Variants in SEC24B observed in about 807,000 individuals in gnomAD.
SEC24B encodes the protein protein transport protein Sec24B.
Under a neutral mutation model 142.8 loss-of-function variants are expected in SEC24B, and 45 were observed. The ratio of observed to expected loss-of-function variants is 0.32; its 90% CI spans 0.25 to 0.40. The LOEUF is 0.40. SEC24B is among the 10% of genes least tolerant of loss of function. The pLI is 1.00. For synonymous variants in SEC24B, 574 were observed against 568.2 expected (o/e 1.01, Z -0.15); for missense variants, 1,409 against 1,526.8 (o/e 0.92, Z 1.29).
Position 109,488,023 on chromosome 4 carries a change from A to AT in SEC24B, c.1166-3296dup, listed in dbSNP as rs543779370. 2.9e-3 allele frequency among the ~76,000 whole-genome samples: 443 copies of AT among 151,952 alleles called. 4 individuals carry two copies. The highest frequency in any genetic ancestry group is 1.0e-2 in the African/African-American group (414 of 41,472). On this transcript the variant is annotated intron_variant, in intron 4 of 23. Coordinates refer to ENST00000265175, the MANE Select transcript of SEC24B (RefSeq NM_006323.5). Reference sequence around the variant, plus strand: ...AAGTAATCTTTTATCTTTGGACTTTATTTTTTTTCAAGAGTAGTTATTTCT... The same window carrying AT: ...AAGTAATCTTTTATCTTTGGACTTTATTTTTTTTTCAAGAGTAGTTATTTCT...
intron 3 of SEC24B, among the ~76,000 whole-genome samples, chr4:109,474,983 G>A (rs1015659687): frequency 6.6e-6 from 1 of 152,174 alleles, no homozygotes; most frequent in Admixed American, 6.5e-5. Flanking sequence ...AGAAAAGTGA[G>A]ATTGACAGAG....
At chr4:109,450,112 CTGAGA>C (rs1729908090) in intron 1 of SEC24B, among the ~76,000 whole-genome samples, 1 of 152,072 alleles carries the variant, frequency 6.6e-6, no homozygotes, top group South Asian at 2.1e-4. Context: ...ACTCTGGAGG[CTGAGA>C]TGGGAGGTTC....
At position 109,433,915 on chromosome 4, in the gene SEC24B, A is replaced by C; in HGVS notation, c.46A>C (p.Ile16Leu). The change falls in exon 1 of 24, where the codon ATC becomes CTC. Residue 16 changes from isoleucine to leucine, a missense_variant. Ile to Leu is a conservative substitution (Grantham distance 5, BLOSUM62 2). Transcript: ENST00000265175. ...GSSHPAASAR[I>L]PPKFGGAAVS... ...CTCTCACCCGGCCGCCAGCGCCCGGATCCCGCCCAAGTTCGGCGGAGCGGC... is the reference window on the plus strand; with the variant it reads ...CTCTCACCCGGCCGCCAGCGCCCGGCTCCCGCCCAAGTTCGGCGGAGCGGC... The C allele has an allele frequency of 7.5e-7, 1 of 1,328,968 alleles. No individual in the cohort carries two copies. Among genetic ancestry groups the C allele is most frequent in the East Asian group, 3.2e-5 (1 of 31,132 alleles). 82.3% of individuals were successfully genotyped at this position (1,328,968 alleles called of 1,614,324 possible). A position where few individuals can be genotyped will look rare whatever the true frequency, so the allele number is the denominator to read the frequency against.
chr4:109,433,883 C>G lies in SEC24B; in HGVS notation c.14C>G (p.Ala5Gly). The change falls in exon 1 of 24, where the codon GCC becomes GGC. Residue 5 changes from alanine to glycine, a missense_variant. Ala to Gly is a moderately conservative substitution (Grantham distance 60). Transcript: ENST00000265175. The part of the protein sequence containing the change: MSAP[A>G]GSSHPAASAR... ...ACCAGCGCCGTCATGTCGGCCCCCG[C>G]CGGGTCCTCTCACCCGGCCGCCAGC... The G allele has an allele frequency of 7.4e-7, 1 of 1,343,934 alleles. No homozygotes were observed. 83.3% of individuals were successfully genotyped at this position (1,343,934 alleles called of 1,614,324 possible).
chr4:109,491,269 G>T, intron 4 of SEC24B, 58 bp from the exon 5 acceptor site: 1 of 1,351,430 alleles, frequency 7.4e-7, no homozygotes, highest in Non-Finnish European at 1.0e-6. Context: ...ATTGCCAAAG[G>T]CTGCTTTAAG....
intron 18 of SEC24B, 115 bp downstream of exon 18, chr4:109,527,547 C>T (rs771297391): frequency 3.8e-4 from 260 of 693,108 alleles, no homozygotes; most frequent in Non-Finnish European, 5.6e-4. Context: ...CTGAGGCGGA[C>T]GGACCACGAG....
Position 109,516,567 on chromosome 4 carries a change from G to A in SEC24B, c.2053G>A (p.Asp685Asn), listed in dbSNP as rs1722950431. 6.2e-7 allele frequency: 1 copy of A among 1,612,976 alleles called. No homozygotes were observed. The highest frequency in any genetic ancestry group is 1.1e-5 in the South Asian group (1 of 90,922). Residue 685 changes from aspartate (D) to asparagine (N), a missense_variant, in exon 11 of 24, where the codon GAT becomes AAT. Physicochemically the swap from Asp to Asn is conservative, Grantham distance 23. Around this residue, in one of 2 missense-constraint regions of SEC24B, gnomAD observed 700 missense variants for 853.3 expected, o/e 0.82. Transcript: ENST00000265175. Reference protein sequence around the residue: ...PQPAVYLFVLDVSHNAVEAGY... With the variant: ...PQPAVYLFVLNVSHNAVEAGY... ...ACCTGCAGTTTACTTGTTTGTTTTA[G>A]ATGTGTCTCATAATGCAGTGGAAGC...
Position 109,527,419 on chromosome 4 carries a change from T to G in SEC24B, c.3063T>G (p.Leu1021=). Residue 1021 remains leucine, a synonymous_variant, in exon 18 of 24, where the codon CTT becomes CTG. Coordinates refer to ENST00000265175, the MANE Select transcript of SEC24B (RefSeq NM_006323.5). ...TGGATGTACAAGCTGCCATCTGCCTTCTGGCAAACATGGGTGAGTAAAAAT... is the reference window on the plus strand; with the variant it reads ...TGGATGTACAAGCTGCCATCTGCCTGCTGGCAAACATGGGTGAGTAAAAAT... ...AGVDVQAAIC[L]LANMAVDRSV... is the part of the protein sequence containing the mutation. 1 of 1,609,110 alleles carries G rather than the reference T, an allele frequency of 6.2e-7. No homozygotes were observed. Among genetic ancestry groups the G allele is most frequent in the East Asian group, 2.2e-5 (1 of 44,836 alleles).
Position 109,469,489 on chromosome 4 carries a change from A to G in SEC24B, c.878-3515A>G, listed in dbSNP as rs578126109. 1.5e-4 allele frequency among the ~76,000 whole-genome samples: 23 copies of G among 152,322 alleles called. No individual in the cohort carries two copies. The Middle Eastern group carries it at 0.017, about 113-fold the overall frequency. On this transcript the variant is annotated intron_variant, in intron 2 of 23. Transcript: ENST00000265175. ...AAACACAAATGAATGTAAAATTCCT[A>G]TTATTATTTAAGCAACATGAAGCAA...
At chr4:109,477,863 GA>G (rs1403402971) in intron 3 of SEC24B, among the ~76,000 whole-genome samples, 1 of 152,088 alleles carries the variant, frequency 6.6e-6, no homozygotes, top group African/African-American at 2.4e-5. Context: ...ATTTTATCAT[GA>G]AAAGGTTGTA....
In SEC24B at chr4:109,463,378, G is replaced by A. The variant is rs769324853; in HGVS notation, c.611G>A (p.Gly204Asp). ...PSVSYPSLPA[G>D]DTYGQMFTSQ... ...GTTTCATATCCCTCTCTGCCTGCTG[G>A]TGATACATATGGGCAAATGTTTACC... The change falls in exon 2 of 24, where the codon GGT (glycine) becomes GAT (aspartate). Residue 204 changes from glycine (G) to aspartate (D), a missense_variant. By Grantham distance (94) the Gly-to-Asp change is moderately conservative (BLOSUM62 -1). Around this residue, in one of 2 missense-constraint regions of SEC24B, gnomAD observed 709 missense variants for 673.5 expected, o/e 1.05. Transcript: ENST00000265175. The A allele has an allele frequency of 6.2e-7, 1 of 1,614,156 alleles. No homozygotes were observed. Among genetic ancestry groups the A allele is most frequent in the Admixed American group, 1.7e-5 (1 of 60,020 alleles).
At chr4:109,504,890 T>C (rs545838234) in intron 6 of SEC24B, among the ~76,000 whole-genome samples, 79 of 152,244 alleles carry the variant, frequency 5.2e-4, no homozygotes, top group Non-Finnish European at 7.5e-4. Context: ...TATAGCACAT[T>C]AACATAATGG....
At chr4:109,468,755 T>C (rs568099187) in intron 2 of SEC24B, among the ~76,000 whole-genome samples, 10 of 152,204 alleles carry the variant, frequency 6.6e-5, no homozygotes, top group Non-Finnish European at 1.2e-4. Flanking sequence ...TGATGTAGTT[T>C]ATGAAGGAAA....
intron 1 of SEC24B, among the ~76,000 whole-genome samples, chr4:109,451,483 TG>T: frequency 6.6e-6 from 1 of 152,142 alleles, no homozygotes. Context: ...TACTTACTTT[TG>T]TTGCTCAGAT....
intron 3 of SEC24B, among the ~76,000 whole-genome samples, chr4:109,478,762 C>A (rs1733433273): frequency 6.6e-6 from 1 of 152,170 alleles, no homozygotes; most frequent in Non-Finnish European, 1.5e-5. Context: ...AAACTAAGGT[C>A]ATGTGTTTCC....
chr4:109,519,996 CA>C (rs974287322), intron 11 of SEC24B, among the ~76,000 whole-genome samples: 8 of 152,158 alleles, frequency 5.3e-5, no homozygotes, highest in African/African-American at 1.9e-4. Context: ...ACAGCTCTAA[CA>C]GCATTTTAAA....
intron 1 of SEC24B, among the ~76,000 whole-genome samples, chr4:109,446,397 C>T (rs985951138): frequency 1.3e-5 from 2 of 152,240 alleles, no homozygotes; most frequent in Non-Finnish European, 2.9e-5. Context: ...ATTGTCTCTT[C>T]AGAGTGTCCA....
chr4:109,490,521 T>C lies in SEC24B; in HGVS notation c.1166-806T>C, dbSNP rs113906360. Among the ~76,000 whole-genome samples the C allele has an allele frequency of 2.9e-3, 436 of 152,024 alleles. 3 individuals carry two copies. The highest frequency in any genetic ancestry group is 0.01 in the African/African-American group (422 of 41,422). ...TAACATAATAGAAGGATCATGCAGA[T>C]TTTTTATTTTATTCATCATAATATA... On this transcript the variant is annotated intron_variant, in intron 4 of 23. Transcript: ENST00000265175.
chr4:109,527,491 T>G, intron 18 of SEC24B, 59 bp downstream of exon 18: 2 of 1,288,822 alleles, frequency 1.6e-6, no homozygotes, highest in East Asian at 4.7e-5. Flanking sequence ...AACTGAAGCT[T>G]GGCTGGTGGC....
Sources: allele counts gnomAD v4.1 joint callset (sites outside exome capture counted in the v4.1 genomes callset), GRCh38; gene constraint gnomAD v4.1.1; regional missense constraint gnomAD v4.1.1; transcripts MANE v1.5; gene names NCBI Gene and HGNC (gene_info 2026-07-23, HGNC 2026-07-21).